The following CLASP1 variants were observed in gnomAD, a reference collection of about 807,000 sequenced individuals.
The protein encoded by CLASP1 is CLIP-associating protein 1.
A neutral mutation model predicts 192.3 loss-of-function variants in CLASP1; 38 were observed. That is an observed-to-expected ratio of 0.20 (90% confidence interval 0.15 to 0.26). The LOEUF is 0.26. CLASP1 is among the 10% of genes least tolerant of loss of function. The pLI, the probability that CLASP1 is intolerant of heterozygous loss-of-function variation, is 1.00. For missense variants in CLASP1, 1,433 were observed against 1,932.5 expected, an observed-to-expected ratio of 0.74 and a Z score of 4.85; for synonymous variants, 691 against 712.8, an observed-to-expected ratio of 0.97 and a Z score of 0.49.
chr2:121,598,816 C>T (rs1372846896), intron 2 of CLASP1, among the ~76,000 whole-genome samples: 2 of 152,190 alleles, frequency 1.3e-5, no homozygotes, highest in African/African-American at 4.8e-5. Context: ...TAAAGAAACA[C>T]TTAAATGCAA....
At chr2:121,393,571 C>G (rs1042302968) in intron 30 of CLASP1, among the ~76,000 whole-genome samples, 1 of 152,120 alleles carries the variant, frequency 6.6e-6, no homozygotes, top group Non-Finnish European at 1.5e-5. Context: ...TAGGCACTAC[C>G]TTCATTTTGA....
intron 19 of CLASP1, among the ~76,000 whole-genome samples, chr2:121,440,536 C>T (rs915672547): frequency 6.6e-6 from 1 of 151,980 alleles, no homozygotes; most frequent in Admixed American, 6.6e-5. Context: ...CCCATCTCCA[C>T]AAAAAATTAG....
At chr2:121,356,089 T>G (rs80156191) in intron 37 of CLASP1, among the ~76,000 whole-genome samples, 2,279 of 152,168 alleles carry the variant, frequency 0.015, 56 homozygotes, top group African/African-American at 0.051. Flanking sequence ...TTTTTTAGGT[T>G]CACAAGGTTT....
intron 2 of CLASP1, among the ~76,000 whole-genome samples, chr2:121,554,492 C>T (rs1445951535): frequency 1.4e-5 from 2 of 143,930 alleles, no homozygotes; most frequent in South Asian, 4.4e-4. Context: ...TAGCCAGGAG[C>T]GGTGGCACTT....
At chr2:121,474,019 C>T (rs1035783384) in intron 8 of CLASP1, among the ~76,000 whole-genome samples, 1 of 152,154 alleles carries the variant, frequency 6.6e-6, no homozygotes, top group African/African-American at 2.4e-5. Context: ...ACAGTAGATA[C>T]AGTAAATATG....
intron 2 of CLASP1, among the ~76,000 whole-genome samples, chr2:121,556,071 C>T (rs1432652403): frequency 6.9e-6 from 1 of 144,150 alleles, no homozygotes; most frequent in Non-Finnish European, 1.5e-5. Context: ...GTCACCTCTG[C>T]CTCCCAGGTT....
intron 1 of CLASP1, among the ~76,000 whole-genome samples, chr2:121,630,812 A>G (rs1218835734): frequency 6.8e-6 from 1 of 147,668 alleles, no homozygotes; most frequent in Admixed American, 6.9e-5. Context: ...GTGAGCCAAG[A>G]TCTAGCCATT....
At chr2:121,340,898 T>C in exon 40 of CLASP1, 1 of 1,612,338 alleles carries the variant, frequency 6.2e-7, no homozygotes, top group Non-Finnish European at 8.5e-7. Context: ...GGAGCTGCTG[T>C]TGCTGTTGGT....
At chr2:121,590,379 C>T (rs1284431519) in intron 2 of CLASP1, among the ~76,000 whole-genome samples, 1 of 152,020 alleles carries the variant, frequency 6.6e-6, no homozygotes, top group Non-Finnish European at 1.5e-5. Context: ...CAACCACGTA[C>T]AGAAAAAGAA....
At chr2:121,636,975 A>G (rs1055617259) in intron 1 of CLASP1, among the ~76,000 whole-genome samples, 9 of 152,182 alleles carry the variant, frequency 5.9e-5, no homozygotes, top group African/African-American at 2.2e-4. Flanking sequence ...AATTCAGTCA[A>G]TATAGGTTAA....
At chr2:121,424,099 T>C (rs2079988894) in intron 22 of CLASP1, among the ~76,000 whole-genome samples, 1 of 152,158 alleles carries the variant, frequency 6.6e-6, no homozygotes, top group South Asian at 2.1e-4. Context: ...GAAAACAGAA[T>C]CTACTCTGGG....
chr2:121,382,277 G>A (rs1357964424), exon 33 of CLASP1: 2 of 1,603,112 alleles, frequency 1.2e-6, no homozygotes, highest in Admixed American at 3.4e-5. Context: ...CTGAGAAAAG[G>A]GAGGTGGGTG....
chr2:121,401,106 C>T (rs1256166349), intron 28 of CLASP1, among the ~76,000 whole-genome samples: 2 of 152,116 alleles, frequency 1.3e-5, no homozygotes, highest in Non-Finnish European at 2.9e-5. Flanking sequence ...TTTCCTGGAC[C>T]AATGGAAACT....
At chr2:121,534,995 T>G (rs1427534695) in intron 2 of CLASP1, among the ~76,000 whole-genome samples, 1 of 152,152 alleles carries the variant, frequency 6.6e-6, no homozygotes, top group Non-Finnish European at 1.5e-5. Context: ...AGGCCGAGTG[T>G]GGTGTCTCAC....
At chr2:121,623,721 T>G (rs891725529) in intron 1 of CLASP1, among the ~76,000 whole-genome samples, 10 of 152,134 alleles carry the variant, frequency 6.6e-5, no homozygotes, top group African/African-American at 2.4e-4. Flanking sequence ...TATTGGTCTA[T>G]TTAGATTTTC....
At chr2:121,420,744 A>G (rs990738225) in intron 22 of CLASP1, among the ~76,000 whole-genome samples, 1 of 152,248 alleles carries the variant, frequency 6.6e-6, no homozygotes, top group Non-Finnish European at 1.5e-5. Flanking sequence ...TGCTTAGTTG[A>G]GCATTTTCTT....
At chr2:121,394,213 C>A (rs1437396583) in intron 30 of CLASP1, among the ~76,000 whole-genome samples, 1 of 152,130 alleles carries the variant, frequency 6.6e-6, no homozygotes, top group African/African-American at 2.4e-5. Flanking sequence ...GTAATTGAGG[C>A]CCTTAATCAG....
intron 14 of CLASP1, among the ~76,000 whole-genome samples, chr2:121,452,545 C>T (rs1174211819): frequency 6.6e-6 from 1 of 152,186 alleles, no homozygotes; most frequent in Non-Finnish European, 1.5e-5. Flanking sequence ...AATCCCAGCA[C>T]TTTAGGAGGC....
rs1265250374 is a variant in CLASP1 at position 121,398,390 on chromosome 2, G to T, written c.2911C>A (p.Pro971Thr). The change falls in exon 29 of 40, where the codon CCA (proline) becomes ACA (threonine). Residue 971 changes from proline to threonine, a missense_variant. Coordinates refer to ENST00000263710, the Ensembl canonical transcript of CLASP1. ...AAAATGTTAAATTGTTGATCAAATG[G>T]AAAGGAGTCCCTAGGTTGGTGGGAA... is the stretch of plus-strand genomic sequence containing the variant. 1.9e-6 allele frequency: 3 copies of T among 1,589,594 alleles called. No individual in the cohort carries two copies. The Admixed American group carries it at 5.3e-5, about 28-fold the overall frequency.
Sources: allele counts gnomAD v4.1 joint callset (sites outside exome capture counted in the v4.1 genomes callset), GRCh38; gene constraint gnomAD v4.1.1; transcripts MANE v1.5; gene names NCBI Gene and HGNC (gene_info 2026-07-23, HGNC 2026-07-21).